Variants in FBXO4 observed in about 807,000 individuals in gnomAD.
FBXO4 encodes F-box protein 4.
FBXO4 carries 36 observed loss-of-function variants against 43.7 expected under a neutral mutation model. The ratio of observed to expected loss-of-function variants is 0.82; its 90% CI spans 0.63 to 1.09. The LOEUF is 1.09. Among genes scored for constraint, FBXO4 ranks in the 50% least tolerant of loss-of-function variants. The pLI is 0.00. For missense variants in FBXO4, 435 were observed against 474.1 expected (o/e 0.92, Z 0.77); for synonymous variants, 180 against 165.6 (o/e 1.09, Z -0.67).
the FBXO4 span, among the ~76,000 whole-genome samples, chr5:41,988,122 G>T: frequency 6.6e-6 from 1 of 152,148 alleles, no homozygotes; most frequent in Non-Finnish European, 1.5e-5. Flanking sequence ...AACATGTGGG[G>T]GGGAGAGAAA....
the FBXO4 span, among the ~76,000 whole-genome samples, chr5:41,958,302 T>C: frequency 6.6e-6 from 1 of 152,018 alleles, no homozygotes; most frequent in South Asian, 2.1e-4. Context: ...ACCTGGCTAA[T>C]TTTTTGTACT....
chr5:42,003,400 T>C, the FBXO4 span, among the ~76,000 whole-genome samples: 1 of 152,204 alleles, frequency 6.6e-6, no homozygotes, highest in Non-Finnish European at 1.5e-5. Flanking sequence ...GAAAATGTGG[T>C]ACTGTTTTCA....
the FBXO4 span, among the ~76,000 whole-genome samples, chr5:42,020,571 C>G: frequency 5.3e-5 from 8 of 152,128 alleles, no homozygotes; most frequent in Non-Finnish European, 1.2e-4. Flanking sequence ...TTTTTCAGTT[C>G]ACAGTCGGTG....
At chr5:41,982,739 T>C in the FBXO4 span, among the ~76,000 whole-genome samples, 4 of 152,240 alleles carry the variant, frequency 2.6e-5, no homozygotes, top group South Asian at 4.1e-4. Context: ...TTATTATACT[T>C]TAAATTCTGG....
the FBXO4 span, among the ~76,000 whole-genome samples, chr5:42,027,594 T>C: frequency 8.6e-5 from 13 of 151,870 alleles, no homozygotes; most frequent in African/African-American, 2.9e-4. Context: ...TTGGGTTTGA[T>C]TTGCTCTTGC....
At chr5:41,987,392 C>T in the FBXO4 span, among the ~76,000 whole-genome samples, 2 of 152,118 alleles carry the variant, frequency 1.3e-5, no homozygotes, top group African/African-American at 4.8e-5. Flanking sequence ...AGGATATGAT[C>T]AAATCTCTGT....
chr5:42,030,010 T>C, the FBXO4 span, among the ~76,000 whole-genome samples: 1 of 151,972 alleles, frequency 6.6e-6, no homozygotes, highest in Admixed American at 6.6e-5. Flanking sequence ...AGAATCAATA[T>C]CGTGAAAATG....
At chr5:41,969,872 GA>G in the FBXO4 span, among the ~76,000 whole-genome samples, 2 of 151,950 alleles carry the variant, frequency 1.3e-5, no homozygotes, top group Admixed American at 1.3e-4. Context: ...TGTGTGTTGT[GA>G]AAAAAAGGTG....
At chr5:42,011,318 G>C in the FBXO4 span, among the ~76,000 whole-genome samples, 34 of 152,212 alleles carry the variant, frequency 2.2e-4, no homozygotes, top group Admixed American at 5.9e-4. Context: ...TAGCTCTCTC[G>C]GGACTGCATT....
intron 5 of FBXO4, among the ~76,000 whole-genome samples, chr5:41,936,944 A>T (rs117477317): frequency 6.6e-6 from 1 of 152,150 alleles, no homozygotes; most frequent in African/African-American, 2.4e-5. Flanking sequence ...ATTGCAGTGC[A>T]AAAGCAGCAG....
At chr5:41,948,546 G>A in the FBXO4 span, among the ~76,000 whole-genome samples, 2 of 151,828 alleles carry the variant, frequency 1.3e-5, no homozygotes, top group Non-Finnish European at 2.9e-5. Flanking sequence ...ACGAATGAAC[G>A]TTACAGCAGT....
the FBXO4 span, among the ~76,000 whole-genome samples, chr5:42,006,379 T>C: frequency 1.8e-4 from 27 of 152,210 alleles, no homozygotes; most frequent in African/African-American, 6.5e-4. Flanking sequence ...TGCTACAATA[T>C]ATCAAAGTAC....
the FBXO4 span, among the ~76,000 whole-genome samples, chr5:42,030,990 A>C: frequency 6.6e-6 from 1 of 152,212 alleles, no homozygotes; most frequent in South Asian, 2.1e-4. Context: ...AGAAATAGGA[A>C]CACTTTTGCA....
chr5:41,957,661 C>A, the FBXO4 span, among the ~76,000 whole-genome samples: 12 of 151,466 alleles, frequency 7.9e-5, no homozygotes, highest in African/African-American at 2.9e-4. Context: ...CCACGAGATC[C>A]TTTAATATAT....
chr5:42,027,241 T>C, the FBXO4 span, among the ~76,000 whole-genome samples: 1 of 151,930 alleles, frequency 6.6e-6, no homozygotes, highest in African/African-American at 2.4e-5. Context: ...TATTGCTCTG[T>C]TCAGGTTTTG....
the FBXO4 span, among the ~76,000 whole-genome samples, chr5:42,006,518 T>C: frequency 6.6e-6 from 1 of 152,056 alleles, no homozygotes; most frequent in African/African-American, 2.4e-5. Context: ...AAATAGTATA[T>C]AGCAATAAGT....
At chr5:41,998,278 T>C in the FBXO4 span, among the ~76,000 whole-genome samples, 1 of 152,202 alleles carries the variant, frequency 6.6e-6, no homozygotes, top group African/African-American at 2.4e-5. Context: ...AGATCTGATA[T>C]ACAGAGAAGA....
At chr5:42,036,142 G>T in the FBXO4 span, among the ~76,000 whole-genome samples, 1 of 152,034 alleles carries the variant, frequency 6.6e-6, no homozygotes, top group Non-Finnish European at 1.5e-5. Context: ...GTAGAAATTA[G>T]AATTTTGGAA....
At chr5:41,981,885 G>A in the FBXO4 span, among the ~76,000 whole-genome samples, 1 of 150,704 alleles carries the variant, frequency 6.6e-6, no homozygotes, top group African/African-American at 2.4e-5. Flanking sequence ...ATCTCCTAAT[G>A]CTATCCCTCC....
Sources: gnomAD v4.1 joint callset for allele counts (sites outside exome capture counted in the v4.1 genomes callset) on GRCh38, gnomAD v4.1.1 for gene constraint, MANE v1.5 for transcripts, NCBI Gene and HGNC (gene_info 2026-07-23, HGNC 2026-07-21) for gene names.